Variants in SERAC1 observed in about 807,000 individuals in gnomAD.
SERAC1 encodes the protein serine active site containing 1.
SERAC1 carries 36 observed loss-of-function variants against 85.7 expected under a neutral mutation model. That is an observed-to-expected ratio of 0.42 (90% CI 0.32 to 0.55). SERAC1 has a LOEUF of 0.55. Ranked by LOEUF, SERAC1 falls within the 20% of genes least tolerant of loss-of-function variation. The pLI is 0.11. For missense variants in SERAC1, 629 were observed against 796.2 expected (o/e 0.79, Z 2.53); for synonymous variants, 242 against 265.3 (o/e 0.91, Z 0.85).
intron 12 of SERAC1, among the ~76,000 whole-genome samples, chr6:158,118,791 C>G (rs1322314220): frequency 2.6e-5 from 4 of 152,036 alleles, no homozygotes; most frequent in African/African-American, 9.7e-5. Context: ...CTGGCTCTTG[C>G]CCCTATTTTT....
Position 158,133,127 on chromosome 6 carries a change from T to C in SERAC1, c.739-2641A>G, listed in dbSNP as rs192334384. On this transcript the variant is annotated intron_variant, in intron 8 of 16. Coordinates refer to ENST00000647468, the MANE Select transcript of SERAC1 (RefSeq NM_032861.4). ...TTCAAGACCAGCCTGGTCAATACAG[T>C]GAAACCCCATCTCTACAAAAAATTA... 2.0e-4 allele frequency among the ~76,000 whole-genome samples: 31 copies of C among 151,992 alleles called. No homozygotes were observed. In the East Asian group the frequency reaches 6.0e-3, roughly 30 times the overall value.
In SERAC1 at chr6:158,117,449, G is replaced by A. The variant is rs1159150886; in HGVS notation, c.1403+278C>T. Reference sequence around the variant, plus strand: ...ATCACTTTTACTTCTGATAGAAAAGGAGACTGCTAGACAATCCACGATCCT... The same window carrying A: ...ATCACTTTTACTTCTGATAGAAAAGAAGACTGCTAGACAATCCACGATCCT... On this transcript the variant is annotated intron_variant, in intron 13 of 16. Transcript: ENST00000647468. The surrounding 1 kb of genome is among the most constrained non-coding windows in gnomAD (Gnocchi z 4.3). 1.4e-6 allele frequency: 2 copies of A among 1,424,928 alleles called. No individual in the cohort carries two copies. Among genetic ancestry groups the A allele is most frequent in the Non-Finnish European group, 1.9e-6 (2 of 1,054,468 alleles). The allele number at this position is 1,424,928 out of a possible 1,614,324, so 88.3% of individuals were successfully genotyped here. A position where few individuals can be genotyped will look rare whatever the true frequency, so the allele number is the denominator to read the frequency against.
chr6:158,111,196 G>T lies in SERAC1; in HGVS notation c.*170C>A. On this transcript the variant is annotated 3_prime_UTR_variant, in exon 17 of 17. Transcript: ENST00000647468. ...CTGTGCCTGCCACTTCCGGGTTGGT[G>T]CTTTACAGCGCTTGAAGGGAGAACA... 2 of 560,364 alleles carry T rather than the reference G, an allele frequency of 3.6e-6. No individual in the cohort carries two copies. The highest frequency in any genetic ancestry group is 5.7e-6 in the Non-Finnish European group (2 of 348,936). 34.7% of individuals were successfully genotyped at this position (560,364 alleles called of 1,614,324 possible).
chr6:158,120,306 G>A lies in SERAC1; in HGVS notation c.1166+119C>T. On this transcript the variant is annotated intron_variant, in intron 11 of 16. Coordinates refer to ENST00000647468, the MANE Select transcript of SERAC1 (RefSeq NM_032861.4). This position sits in a 1 kb window ranked among gnomAD's most constrained non-coding sequence, Gnocchi z 4.4. ...ATAGACAAATTATTTTAGTAAATAA[G>A]ATATTTGACTTATAAGTTATTTAAC... 9.7e-7 allele frequency: 1 copy of A among 1,034,948 alleles called. No homozygotes were observed. Among genetic ancestry groups the A allele is most frequent in the Non-Finnish European group, 1.3e-6 (1 of 741,600 alleles). The allele number at this position is 1,034,948 out of a possible 1,614,324, so 64.1% of individuals were successfully genotyped here.
chr6:158,146,533 C>T (rs191950785), intron 6 of SERAC1: 15 of 298,690 alleles, frequency 5.0e-5, no homozygotes, highest in East Asian at 4.9e-4. Context: ...TTCAGCCTCT[C>T]GAGTAGCTGG....
chr6:158,119,149 G>T lies in SERAC1; in HGVS notation c.1188C>A (p.Val396=), dbSNP rs753611994. The T allele has an allele frequency of 6.2e-7, 1 of 1,612,300 alleles. No individual in the cohort carries two copies. The highest frequency in any genetic ancestry group is 8.5e-7 in the Non-Finnish European group (1 of 1,179,080). Residue 396 remains valine, a synonymous_variant, in exon 12 of 17, where the codon GTC becomes GTA. Coordinates refer to ENST00000647468, the MANE Select transcript of SERAC1 (RefSeq NM_032861.4). The surrounding 1 kb of genome is among the most constrained non-coding windows in gnomAD (Gnocchi z 4.5). The part of the protein sequence containing the change: ...YRTSQPIKAD[V]LFIHGLMGAA... ...CTCCCATAAGGCCATGAATAAAAAG[G>T]ACATCTGCTTTAATGGGCTGACTAA...
chr6:158,126,285 C>T (rs1199064798), intron 10 of SERAC1, among the ~76,000 whole-genome samples: 1 of 152,082 alleles, frequency 6.6e-6, no homozygotes, highest in African/African-American at 2.4e-5. Flanking sequence ...GAGAAATGAA[C>T]CTAAAATATC....
intron 1 of SERAC1, among the ~76,000 whole-genome samples, chr6:158,165,848 G>A (rs948364031): frequency 1.3e-5 from 2 of 152,084 alleles, no homozygotes; most frequent in Admixed American, 6.5e-5. Context: ...CTCTTGTCTA[G>A]TTCAAGCCAA....
chr6:158,145,038 G>A (rs1232476834), intron 6 of SERAC1, among the ~76,000 whole-genome samples: 1 of 152,156 alleles, frequency 6.6e-6, no homozygotes, highest in African/African-American at 2.4e-5. Flanking sequence ...GAGGTCAGGA[G>A]TTCAAGACCA....
intron 8 of SERAC1, among the ~76,000 whole-genome samples, chr6:158,137,880 A>G (rs546807785): frequency 2.0e-4 from 30 of 151,964 alleles, no homozygotes; most frequent in African/African-American, 7.2e-4. Flanking sequence ...CCCTCATCTC[A>G]AAAAAAAGGT....
At chr6:158,132,563 T>C (rs1171157678) in intron 8 of SERAC1, among the ~76,000 whole-genome samples, 5 of 152,196 alleles carry the variant, frequency 3.3e-5, no homozygotes, top group African/African-American at 1.2e-4. Flanking sequence ...CCTTGAATTA[T>C]CTATCTCATC....
rs935960959 is a variant in SERAC1, at chr6:158,119,651, G to C, written c.1167-481C>G. ...GTAACATTCACTCATTGCATATGAC[G>C]CATTAAAAACTGTAGATAGTATGTT... On this transcript the variant is annotated intron_variant, in intron 11 of 16. Coordinates refer to ENST00000647468, the MANE Select transcript of SERAC1 (RefSeq NM_032861.4). The surrounding 1 kb of genome is among the most constrained non-coding windows in gnomAD (Gnocchi z 4.5). Among the ~76,000 whole-genome samples, 1 of 151,896 alleles carries C rather than the reference G, an allele frequency of 6.6e-6. No homozygotes were observed. Among genetic ancestry groups the C allele is most frequent in the South Asian group, 2.1e-4 (1 of 4,830 alleles).
intron 3 of SERAC1, among the ~76,000 whole-genome samples, chr6:158,155,058 A>G (rs901110714): frequency 6.6e-6 from 1 of 152,192 alleles, no homozygotes; most frequent in Admixed American, 6.5e-5. Flanking sequence ...AAGTGTGTCA[A>G]AGTGCTTTCC....
At chr6:158,153,996 A>G (rs1326587705) in intron 3 of SERAC1, among the ~76,000 whole-genome samples, 1 of 151,310 alleles carries the variant, frequency 6.6e-6, no homozygotes, top group Non-Finnish European at 1.5e-5. Context: ...TAATAATAAT[A>G]ATAACAATAA....
At chr6:158,162,701 T>G (rs1785514036) in intron 1 of SERAC1, among the ~76,000 whole-genome samples, 1 of 152,234 alleles carries the variant, frequency 6.6e-6, no homozygotes, top group Admixed American at 6.5e-5. Flanking sequence ...CATCACCTTC[T>G]GTTTAGTTGT....
chr6:158,138,244 C>A (rs1239782368), intron 8 of SERAC1, among the ~76,000 whole-genome samples: 1 of 152,000 alleles, frequency 6.6e-6, no homozygotes, highest in Non-Finnish European at 1.5e-5. Flanking sequence ...ACCAGCCTGA[C>A]CAACATGGTG....
At chr6:158,144,625 A>AAT (rs1785009431) in intron 6 of SERAC1, among the ~76,000 whole-genome samples, 1 of 152,208 alleles carries the variant, frequency 6.6e-6, no homozygotes, top group African/African-American at 2.4e-5. Context: ...TCCTCAACAT[A>AAT]TATATGGAGA....
Position 158,130,493 on chromosome 6 carries a change from T to C in SERAC1, c.739-7A>G. 2 of 1,492,346 alleles carry C rather than the reference T, an allele frequency of 1.3e-6. No individual in the cohort carries two copies. Among genetic ancestry groups the C allele is most frequent in the Non-Finnish European group, 1.8e-6 (2 of 1,099,524 alleles). 92.4% of individuals were successfully genotyped at this position (1,492,346 alleles called of 1,614,324 possible). A position where few individuals can be genotyped will look rare whatever the true frequency, so the allele number is the denominator to read the frequency against. ...CAAAACACCATAAACCACCCTGAAA[T>C]TAAAATAATTAAAATTTTTACTGAA... is the stretch of plus-strand genomic sequence containing the variant. On this transcript the variant is annotated splice_polypyrimidine_tract_variant and splice_region_variant and intron_variant, in intron 8 of 16. Coordinates refer to ENST00000647468, the MANE Select transcript of SERAC1 (RefSeq NM_032861.4).
intron 10 of SERAC1, among the ~76,000 whole-genome samples, chr6:158,127,049 T>C (rs1268206631): frequency 1.6e-5 from 1 of 63,934 alleles, no homozygotes; most frequent in Non-Finnish European, 3.2e-5. Flanking sequence ...TGAGATTCTC[T>C]CAAAAAAAAA....
Sources: allele counts gnomAD v4.1 joint callset (sites outside exome capture counted in the v4.1 genomes callset), GRCh38; gene constraint gnomAD v4.1.1; non-coding constraint Gnocchi (gnomAD v3.1); transcripts MANE v1.5; gene names NCBI Gene and HGNC (gene_info 2026-07-23, HGNC 2026-07-21).